FAM169A: variants seen among roughly 807,000 people sequenced by gnomAD.
FAM169A encodes soluble lamin-associated protein of 75 kDa.
In FAM169A, 24 loss-of-function variants were observed where a neutral mutation model predicts 75.7. The observed-to-expected ratio is 0.32, with a 90% CI of 0.23 to 0.45. The LOEUF (loss-of-function observed/expected upper bound fraction) is 0.45, where lower values mean the gene tolerates loss of function less well. Among genes scored for constraint, FAM169A ranks in the 20% least tolerant of loss-of-function variants. The pLI, the probability that FAM169A is intolerant of heterozygous loss-of-function variation, is 1.00. For synonymous variants in FAM169A, 271 were observed against 271.0 expected, an observed-to-expected ratio of 1.00 and a Z score of 0.00; for missense variants, 673 against 784.0, an observed-to-expected ratio of 0.86 and a Z score of 1.69.
intron 4 of FAM169A, among the ~76,000 whole-genome samples, chr5:74,835,433 C>T (rs1382891691): frequency 6.6e-6 from 1 of 151,698 alleles, no homozygotes; most frequent in Non-Finnish European, 1.5e-5. Context: ...ACCCACCCGT[C>T]TCTACAAAAA....
chr5:74,845,000 TAA>T (rs2112689032), intron 1 of FAM169A, among the ~76,000 whole-genome samples: 1 of 152,264 alleles, frequency 6.6e-6, no homozygotes, highest in African/African-American at 2.4e-5. Context: ...GAAGATCAAC[TAA>T]AAGTTACTTT....
At chr5:74,827,794 C>G (rs752047546) in intron 5 of FAM169A, among the ~76,000 whole-genome samples, 3 of 151,546 alleles carry the variant, frequency 2.0e-5, no homozygotes, top group South Asian at 2.1e-4. Flanking sequence ...TCCTGAGTAG[C>G]TGGAATTACA....
At chr5:74,863,846 T>C (rs1750163643) in intron 1 of FAM169A, among the ~76,000 whole-genome samples, 1 of 151,942 alleles carries the variant, frequency 6.6e-6, no homozygotes, top group African/African-American at 2.4e-5. Context: ...AGTTTAAGAG[T>C]TGTGTTTGAC....
intron 6 of FAM169A, among the ~76,000 whole-genome samples, chr5:74,808,617 G>A (rs904331674): frequency 2.0e-5 from 3 of 152,060 alleles, no homozygotes; most frequent in Non-Finnish European, 4.4e-5. Flanking sequence ...TACAAATAAG[G>A]TATTATGTAT....
intron 11 of FAM169A, among the ~76,000 whole-genome samples, chr5:74,787,833 A>G (rs888802172): frequency 3.3e-5 from 5 of 152,188 alleles, no homozygotes; most frequent in African/African-American, 7.2e-5. Flanking sequence ...CTTAATTCAT[A>G]TAAGTGGAAA....
At chr5:74,797,553 A>G (rs894986271) in intron 10 of FAM169A, among the ~76,000 whole-genome samples, 1 of 152,206 alleles carries the variant, frequency 6.6e-6, no homozygotes. Context: ...GCCTTTGCTC[A>G]TGTTAGTGCT....
chr5:74,808,577 CTG>C (rs35846479), intron 6 of FAM169A, among the ~76,000 whole-genome samples: 4,218 of 152,208 alleles, frequency 0.028, 66 homozygotes, highest in Non-Finnish European at 0.042. Context: ...GTACAAAACA[CTG>C]TGCATAAGAG....
chr5:74,831,211 A>G (rs1426344861), intron 5 of FAM169A, among the ~76,000 whole-genome samples: 1 of 152,128 alleles, frequency 6.6e-6, no homozygotes, highest in Non-Finnish European at 1.5e-5. Flanking sequence ...AGTAAAAGCC[A>G]AAAAAAGACT....
chr5:74,801,779 A>G, intron 8 of FAM169A, 150 bp from the exon 9 acceptor site: 1 of 648,202 alleles, frequency 1.5e-6, no homozygotes, highest in Non-Finnish European at 2.7e-6. Context: ...TAAAAAGGTT[A>G]TAGTTCAGCT....
chr5:74,818,770 GCTCT>G (rs375359690), intron 5 of FAM169A, among the ~76,000 whole-genome samples: 2,757 of 134,234 alleles, frequency 0.021, 86 homozygotes, highest in African/African-American at 0.07. Flanking sequence ...CGGTTTCACA[GCTCT>G]CTCTCTCTCT....
At chr5:74,838,847 G>C (rs901626850) in intron 4 of FAM169A, 118 bp downstream of exon 4, 6 of 742,916 alleles carry the variant, frequency 8.1e-6, no homozygotes, top group African/African-American at 1.8e-5. Flanking sequence ...TGAAATTCTA[G>C]GGTTTAATAT....
chr5:74,796,285 T>C (rs1746270570), intron 10 of FAM169A, 99 bp from the exon 11 acceptor site: 5 of 1,078,600 alleles, frequency 4.6e-6, no homozygotes, highest in Middle Eastern at 2.3e-4. Context: ...GAATCAACTA[T>C]GTTGTCAACA....
At chr5:74,815,934 A>G (rs576997879) in intron 5 of FAM169A, among the ~76,000 whole-genome samples, 1 of 152,356 alleles carries the variant, frequency 6.6e-6, no homozygotes, top group Admixed American at 6.5e-5. Context: ...ATCAAGAAAT[A>G]ATCATAAAAA....
intron 11 of FAM169A, among the ~76,000 whole-genome samples, chr5:74,789,796 A>G (rs150436828): frequency 1.9e-3 from 290 of 152,252 alleles, no homozygotes; most frequent in African/African-American, 6.6e-3. Flanking sequence ...AGGCTCCCAT[A>G]GGTGAATCGC....
Position 74,843,414 on chromosome 5 carries a change from T to G in FAM169A, c.-3-1735A>C, listed in dbSNP as rs545068022. Among the ~76,000 whole-genome samples the G allele has an allele frequency of 2.0e-5, 3 of 152,262 alleles. No homozygotes were observed. The East Asian group carries it at 5.8e-4, about 29-fold the overall frequency. On this transcript the variant is annotated intron_variant, in intron 1 of 12. Transcript: ENST00000687041. ...AGACAAGCAAAAATAGCTAGAAGAA[T>G]GCACCCTGTCGGAGATTAAAACATC...
At chr5:74,855,650 T>C (rs1749669576) in intron 1 of FAM169A, among the ~76,000 whole-genome samples, 2 of 152,256 alleles carry the variant, frequency 1.3e-5, no homozygotes, top group African/African-American at 2.4e-5. Context: ...TTTCAACTAT[T>C]GAGTTGTCTG....
rs148006386 is a variant in FAM169A at position 74,860,726 on chromosome 5, T to A, written c.-4+5439A>T. 4.7e-3 allele frequency among the ~76,000 whole-genome samples: 711 copies of A among 150,998 alleles called. 10 individuals carry two copies. The highest frequency in any genetic ancestry group is 0.016 in the African/African-American group (668 of 41,022). ...AGCCAAGGCTTATAGTTAGGTGAAA[T>A]ATTCTTCTTCTCTCTCTTCTTCTTA... On this transcript the variant is annotated intron_variant, in intron 1 of 12. Coordinates refer to ENST00000687041, the MANE Select transcript of FAM169A (RefSeq NM_001376049.1).
rs183859054 is a variant in FAM169A at position 74,811,832 on chromosome 5, T to C, written c.670+2008A>G. ...AATCCATATGGATGAATCTCACAAA[T>C]ATAAAGATGAGTAAAGAAAGCAAAC... On this transcript the variant is annotated intron_variant, in intron 6 of 12. Transcript: ENST00000687041. Among the ~76,000 whole-genome samples, 358 of 152,318 alleles carry C rather than the reference T, an allele frequency of 2.4e-3. 1 individual carries two copies. Among genetic ancestry groups the C allele is most frequent in the African/African-American group, 8.4e-3 (349 of 41,570 alleles).
Position 74,780,061 on chromosome 5 carries a change from T to G in FAM169A, c.*1399A>C, listed in dbSNP as rs1230199863. Reference sequence around the variant, plus strand: ...GAGTAGAACTGTTTTTAGATTATCTTTGGATTCTAATAACCATTTTGTCCA... The same window carrying G: ...GAGTAGAACTGTTTTTAGATTATCTGTGGATTCTAATAACCATTTTGTCCA... On this transcript the variant is annotated 3_prime_UTR_variant, in exon 13 of 13. Coordinates refer to ENST00000687041, the MANE Select transcript of FAM169A (RefSeq NM_001376049.1). 1 of 152,238 alleles carries G rather than the reference T, an allele frequency of 6.6e-6. No homozygotes were observed. Among genetic ancestry groups the G allele is most frequent in the East Asian group, 1.9e-4 (1 of 5,202 alleles). The allele number at this position is 152,238 out of a possible 1,614,324, so 9.4% of individuals were successfully genotyped here. A position where few individuals can be genotyped will look rare whatever the true frequency, so the allele number is the denominator to read the frequency against.
Sources: allele counts gnomAD v4.1 joint callset (sites outside exome capture counted in the v4.1 genomes callset), GRCh38; gene constraint gnomAD v4.1.1; transcripts MANE v1.5; gene names NCBI Gene and HGNC (gene_info 2026-07-23, HGNC 2026-07-21).